RBFOX2: variants seen among roughly 807,000 people sequenced by gnomAD.
RBFOX2 encodes the protein RNA binding fox-1 homolog 2, also known as RNA binding protein fox-1 homolog 2.
Under a neutral mutation model 49.1 loss-of-function variants are expected in RBFOX2, and 10 were observed. That is an observed-to-expected ratio of 0.20 (90% CI 0.13 to 0.35). The LOEUF (loss-of-function observed/expected upper bound fraction) is 0.35. Ranked by LOEUF, RBFOX2 falls within the 10% of genes least tolerant of loss-of-function variation. The probability of loss-of-function intolerance (pLI) is 1.00; values close to 1 mark genes in which losing one functional copy is unlikely to be tolerated. For missense variants in RBFOX2, 323 were observed against 486.9 expected (o/e 0.66, Z 3.17); for synonymous variants, 183 against 187.4 (o/e 0.98, Z 0.19).
intron 1 of RBFOX2, chr22:35,999,844 A>G (rs1238862616): frequency 6.6e-6 from 1 of 152,124 alleles, no homozygotes; most frequent in Admixed American, 6.6e-5. Flanking sequence ...CACAGACGAC[A>G]TGTATCCAAA....
At chr22:35,912,198 ATC>A (rs547609799) in intron 1 of RBFOX2, among the ~76,000 whole-genome samples, 1 of 152,210 alleles carries the variant, frequency 6.6e-6, no homozygotes, top group Non-Finnish European at 1.5e-5. Flanking sequence ...TCTTATATGA[ATC>A]TCTCAGAGCA....
In RBFOX2 at chr22:35,971,912, T is replaced by TAAAA. The variant is rs527896726; in HGVS notation, c.187-33019_187-33016dup. ...GCCTTTCCTTTTTTCTTTTTCTCCC[T>TAAAA]AAAAAAAAAAAAAAAAAAAAAAAAA... On this transcript the variant is annotated intron_variant, in intron 1 of 13. Transcript: ENST00000438146. Among the ~76,000 whole-genome samples, 41 of 56,594 alleles carry TAAAA rather than the reference T, an allele frequency of 7.2e-4. 1 individual carries two copies. Among genetic ancestry groups the TAAAA allele is most frequent in the Non-Finnish European group, 6.0e-4 (18 of 30,088 alleles). The allele number at this position is 56,594 out of a possible 152,430, so 37.1% of individuals were successfully genotyped here.
intron 1 of RBFOX2, among the ~76,000 whole-genome samples, chr22:35,847,050 G>A (rs2041306479): frequency 6.6e-6 from 1 of 152,170 alleles, no homozygotes; most frequent in Non-Finnish European, 1.5e-5. Flanking sequence ...CTGAAAGACT[G>A]TCTATAAGAA....
chr22:35,965,925 C>T (rs1251193823), upstream of RBFOX2, among the ~76,000 whole-genome samples: 2 of 152,110 alleles, frequency 1.3e-5, no homozygotes, highest in South Asian at 2.1e-4. Flanking sequence ...AACCTAAGTG[C>T]ATAACTCAAT....
intron 3 of RBFOX2, among the ~76,000 whole-genome samples, chr22:35,780,529 T>C (rs1464463129): frequency 6.6e-6 from 1 of 152,138 alleles, no homozygotes; most frequent in Non-Finnish European, 1.5e-5. Flanking sequence ...TTTTTCATGA[T>C]GGTGATTCAG....
At chr22:36,024,952 C>T (rs1235863986) in intron 1 of RBFOX2, among the ~76,000 whole-genome samples, 3 of 151,694 alleles carry the variant, frequency 2.0e-5, no homozygotes, top group East Asian at 2.0e-4. Flanking sequence ...GGATTACAGG[C>T]GCCTGCCACC....
At chr22:35,854,500 G>A (rs1228977202) in intron 1 of RBFOX2, among the ~76,000 whole-genome samples, 1 of 151,712 alleles carries the variant, frequency 6.6e-6, no homozygotes. Flanking sequence ...AGGCTGAGGT[G>A]GGAGAATCAC....
intron 7 of RBFOX2, 45 bp downstream of exon 8, chr22:35,761,370 A>G: frequency 6.2e-7 from 1 of 1,612,218 alleles, no homozygotes; most frequent in Non-Finnish European, 8.5e-7. Flanking sequence ...AGCAGATGCT[A>G]TTACAATTAA....
chr22:35,826,308 G>A (rs367644731), intron 1 of RBFOX2, among the ~76,000 whole-genome samples: 3 of 134,568 alleles, frequency 2.2e-5, no homozygotes, highest in South Asian at 2.3e-4. Context: ...CGCCATCGCA[G>A]TCCAGCCTGG....
chr22:35,757,765 T>G (rs1937422016), intron 9 of RBFOX2, among the ~76,000 whole-genome samples: 1 of 152,114 alleles, frequency 6.6e-6, no homozygotes, highest in Non-Finnish European at 1.5e-5. Flanking sequence ...AAGTCTGATA[T>G]TAGAAAGTAA....
intron 2 of RBFOX2, among the ~76,000 whole-genome samples, chr22:35,807,988 T>C (rs1219832343): frequency 6.6e-6 from 1 of 151,898 alleles, no homozygotes; most frequent in African/African-American, 2.4e-5. Context: ...ATGAAGCAAA[T>C]TGCTAAAAAG....
chr22:35,837,904 T>C (rs1222813755), intron 1 of RBFOX2, among the ~76,000 whole-genome samples: 1 of 152,164 alleles, frequency 6.6e-6, no homozygotes, highest in Admixed American at 6.5e-5. Flanking sequence ...ACCACAATAT[T>C]AAGTGTGCAT....
chr22:35,988,021 G>T (rs2057796974), intron 1 of RBFOX2, among the ~76,000 whole-genome samples: 1 of 152,158 alleles, frequency 6.6e-6, no homozygotes, highest in African/African-American at 2.4e-5. Context: ...CTCCCCAGAG[G>T]ATGCTAACAG....
intron 1 of RBFOX2, among the ~76,000 whole-genome samples, chr22:35,974,422 C>T (rs1191925113): frequency 6.6e-6 from 1 of 152,126 alleles, no homozygotes; most frequent in Non-Finnish European, 1.5e-5. Context: ...CAGTGGCTCA[C>T]GCCTGTTATC....
At chr22:36,014,787 A>G (rs1238538115) in intron 1 of RBFOX2, among the ~76,000 whole-genome samples, 1 of 152,224 alleles carries the variant, frequency 6.6e-6, no homozygotes, top group Non-Finnish European at 1.5e-5. Flanking sequence ...CAGGTTATCT[A>G]TTAATCATAG....
intron 8 of RBFOX2, 108 bp from the exon 10 acceptor site, chr22:35,760,128 C>A: frequency 6.9e-7 from 1 of 1,444,074 alleles, no homozygotes; most frequent in Non-Finnish European, 9.6e-7. Context: ...AAGATACGAA[C>A]CACACCTTTT....
At chr22:35,745,435 C>G (rs1205962489) in intron 11 of RBFOX2, among the ~76,000 whole-genome samples, 1 of 152,184 alleles carries the variant, frequency 6.6e-6, no homozygotes, top group East Asian at 1.9e-4. Context: ...ATAAAATATC[C>G]TATAAAGCAT....
chr22:35,887,496 T>C (rs2046728849), intron 1 of RBFOX2, among the ~76,000 whole-genome samples: 1 of 152,200 alleles, frequency 6.6e-6, no homozygotes, highest in Admixed American at 6.5e-5. Context: ...GAGATTACTG[T>C]TGCTTCTACA....
intron 2 of RBFOX2, among the ~76,000 whole-genome samples, chr22:35,790,965 A>G (rs1204145582): frequency 6.6e-6 from 1 of 152,130 alleles, no homozygotes; most frequent in Non-Finnish European, 1.5e-5. Context: ...CTATGATCAT[A>G]TCACTGCACT....
Sources: allele counts gnomAD v4.1 joint callset (sites outside exome capture counted in the v4.1 genomes callset), GRCh38; gene constraint gnomAD v4.1.1; transcripts MANE v1.5; gene names NCBI Gene and HGNC (gene_info 2026-07-23, HGNC 2026-07-21).